Variants in ASTN2 observed in about 807,000 individuals in gnomAD.
The protein encoded by ASTN2 is astrotactin 2, also known as astrotactin-2.
In ASTN2, 54 loss-of-function variants were observed where a neutral mutation model predicts 139.8. The observed-to-expected ratio is 0.39, with a 90% CI of 0.31 to 0.48. The LOEUF (loss-of-function observed/expected upper bound fraction) is 0.48, where lower values mean the gene tolerates loss of function less well. ASTN2 is among the 20% of genes least tolerant of loss of function. ASTN2 has a pLI of 0.95. For synonymous variants in ASTN2, 756 were observed against 719.5 expected (o/e 1.05, Z -0.81); for missense variants, 1,565 against 1,725.1 (o/e 0.91, Z 1.64).
chr9:116,975,526 T>C (rs937698330), intron 9 of ASTN2, among the ~76,000 whole-genome samples, 181 bp from the exon 10 acceptor site: 5 of 152,232 alleles, frequency 3.3e-5, no homozygotes. Context: ...TTCTCAAATC[T>C]GTTAAACATT....
At chr9:116,718,143 C>A (rs1828365507) in intron 16 of ASTN2, among the ~76,000 whole-genome samples, 1 of 152,164 alleles carries the variant, frequency 6.6e-6, no homozygotes, top group South Asian at 2.1e-4. Context: ...CCTGACATAG[C>A]CTGAGGCTTC....
At chr9:117,399,254 G>A (rs116411712) in intron 1 of ASTN2, among the ~76,000 whole-genome samples, 3 of 152,244 alleles carry the variant, frequency 2.0e-5, no homozygotes, top group African/African-American at 7.2e-5. Flanking sequence ...CTGAATATAC[G>A]AAATGCTTGG....
intron 13 of ASTN2, among the ~76,000 whole-genome samples, chr9:116,784,571 C>T (rs1449686613): frequency 6.6e-6 from 1 of 152,146 alleles, no homozygotes; most frequent in Non-Finnish European, 1.5e-5. Flanking sequence ...TTGTCCCCAC[C>T]TTTGAGTCCC....
intron 19 of ASTN2, among the ~76,000 whole-genome samples, chr9:116,519,854 A>G (rs941724386): frequency 1.3e-5 from 2 of 152,102 alleles, no homozygotes; most frequent in African/African-American, 4.8e-5. Context: ...AACACAAAGG[A>G]TTATTCAAGG....
intron 19 of ASTN2, among the ~76,000 whole-genome samples, chr9:116,569,813 G>A (rs914302537): frequency 2.9e-4 from 44 of 152,336 alleles, no homozygotes; most frequent in African/African-American, 1.1e-3. Context: ...CCTAAGTGGA[G>A]ACCTCTTTCC....
At chr9:116,615,084 C>T (rs1052390974) in intron 19 of ASTN2, among the ~76,000 whole-genome samples, 9 of 152,176 alleles carry the variant, frequency 5.9e-5, no homozygotes, top group African/African-American at 2.2e-4. Flanking sequence ...AGACACTTCT[C>T]AAAAGAAGAC....
intron 22 of ASTN2, among the ~76,000 whole-genome samples, chr9:116,432,703 G>T (rs1199972018): frequency 6.6e-6 from 1 of 152,170 alleles, no homozygotes; most frequent in African/African-American, 2.4e-5. Context: ...GCTAAGGTGG[G>T]CGGATCACTT....
At chr9:117,373,125 A>C (rs1171531620) in intron 1 of ASTN2, among the ~76,000 whole-genome samples, 1 of 152,178 alleles carries the variant, frequency 6.6e-6, no homozygotes, top group African/African-American at 2.4e-5. Flanking sequence ...TTGAGGGCTA[A>C]GTATGAGCCA....
chr9:116,523,351 A>C (rs1394797073), intron 19 of ASTN2, among the ~76,000 whole-genome samples: 1 of 152,170 alleles, frequency 6.6e-6, no homozygotes, highest in Non-Finnish European at 1.5e-5. Context: ...TTTTGATCAA[A>C]AGGAAAGACA....
Position 117,154,136 on chromosome 9 carries a change from A to G in ASTN2, c.1016-12658T>C, listed in dbSNP as rs12351684. On this transcript the variant is annotated intron_variant, in intron 3 of 22. Coordinates refer to ENST00000313400, the MANE Select transcript of ASTN2 (RefSeq NM_001365068.1). ...CTATAACGAATGGCAGGGATGTTAG[A>G]GCAAAATTAATGCAGCCACATTATA... Among the ~76,000 whole-genome samples, 701 of 152,196 alleles carry G rather than the reference A, an allele frequency of 4.6e-3. 7 individuals are homozygous for G. Among genetic ancestry groups the G allele is most frequent in the African/African-American group, 0.016 (657 of 41,554 alleles).
chr9:116,951,337 CAAAAAAAA>C (rs386416039), intron 10 of ASTN2, among the ~76,000 whole-genome samples: 4 of 34,074 alleles, frequency 1.2e-4, no homozygotes, highest in Non-Finnish European at 8.9e-5. Flanking sequence ...AACTCTGTCT[CAAAAAAAA>C]AAAAAAAAAA....
At chr9:116,983,635 GTTAA>G (rs1836582104) in intron 7 of ASTN2, among the ~76,000 whole-genome samples, 1 of 152,338 alleles carries the variant, frequency 6.6e-6, no homozygotes, top group African/African-American at 2.4e-5. Flanking sequence ...CTTTGCAGTG[GTTAA>G]TTGTGGGAAG....
intron 11 of ASTN2, among the ~76,000 whole-genome samples, chr9:116,840,870 T>C (rs1469042278): frequency 4.1e-5 from 6 of 145,240 alleles, no homozygotes; most frequent in African/African-American, 1.3e-4. Flanking sequence ...GGCGGCCGGG[T>C]AGAGACGCTC....
At chr9:117,333,706 G>A (rs1828787968) in intron 1 of ASTN2, among the ~76,000 whole-genome samples, 1 of 152,170 alleles carries the variant, frequency 6.6e-6, no homozygotes, top group African/African-American at 2.4e-5. Flanking sequence ...GTTTCACCAT[G>A]TTGGCCAGGC....
intron 5 of ASTN2, among the ~76,000 whole-genome samples, chr9:117,055,550 A>T (rs577577494): frequency 6.6e-5 from 10 of 152,260 alleles, no homozygotes; most frequent in Non-Finnish European, 1.3e-4. Flanking sequence ...TACCTCCAGA[A>T]TGGAGGACAA....
In ASTN2 at chr9:117,087,316, C is replaced by T. The variant is rs111967517; in HGVS notation, c.1276+8728G>A. On this transcript the variant is annotated intron_variant, in intron 5 of 22. Transcript: ENST00000313400. The stretch of plus-strand genomic sequence containing the variant: ...GAGGTGCAATCATGGCTCACTGCAG[C>T]CTTGACCTCCAGAGCTCAAGCAATC... Among the ~76,000 whole-genome samples, 1,364 of 152,034 alleles carry T rather than the reference C, an allele frequency of 9.0e-3. 27 individuals are homozygous for T. Among genetic ancestry groups the T allele is most frequent in the African/African-American group, 0.031 (1,294 of 41,448 alleles).
chr9:117,167,017 C>G lies in ASTN2; in HGVS notation c.1016-25539G>C, dbSNP rs180919263. Among the ~76,000 whole-genome samples the G allele has an allele frequency of 2.1e-3, 322 of 152,152 alleles. 3 individuals are homozygous for G. Among genetic ancestry groups the G allele is most frequent in the African/African-American group, 7.4e-3 (309 of 41,504 alleles). On this transcript the variant is annotated intron_variant, in intron 3 of 22. Coordinates refer to ENST00000313400, the MANE Select transcript of ASTN2 (RefSeq NM_001365068.1). Reference sequence around the variant, plus strand: ...AAATTCCCAATTGCTATTCATTTAGCAGTGATATTTATCTTATTTTGTAAT... The same window carrying G: ...AAATTCCCAATTGCTATTCATTTAGGAGTGATATTTATCTTATTTTGTAAT...
At chr9:117,171,681 CCTT>C (rs1564460364) in intron 3 of ASTN2, among the ~76,000 whole-genome samples, 1 of 152,010 alleles carries the variant, frequency 6.6e-6, no homozygotes. Context: ...CCCCTTTGCT[CCTT>C]CTTCTCTCTC....
Position 117,180,879 on chromosome 9 carries a change from C to A in ASTN2, c.1015+33479G>T, listed in dbSNP as rs1010351441. ...TCTTCTGGTGGCCAGGAAACTTGAA[C>A]TTGGCCCTGCGCAGGGCCTCAATTA... On this transcript the variant is annotated intron_variant, in intron 3 of 22. Transcript: ENST00000313400. 23 of 1,581,574 alleles carry A rather than the reference C, an allele frequency of 1.5e-5. No individual in the cohort carries two copies. The Admixed American group carries it at 1.7e-4, about 11-fold the overall frequency.
Sources: allele counts gnomAD v4.1 joint callset (sites outside exome capture counted in the v4.1 genomes callset), GRCh38; gene constraint gnomAD v4.1.1; transcripts MANE v1.5; gene names NCBI Gene and HGNC (gene_info 2026-07-23, HGNC 2026-07-21).